The following CNTNAP5 variants were observed in gnomAD, a reference collection of about 807,000 sequenced individuals.
The protein encoded by CNTNAP5 is contactin associated protein family member 5, also known as contactin-associated protein-like 5.
CNTNAP5 carries 72 observed loss-of-function variants against 150.2 expected under a neutral mutation model. The observed-to-expected ratio is 0.48, with a 90% confidence interval of 0.40 to 0.58. The LOEUF is 0.58. CNTNAP5 is among the 20% of genes least tolerant of loss of function. The pLI is 0.00. For synonymous variants in CNTNAP5, 672 were observed against 619.8 expected (o/e 1.08, Z -1.25); for missense variants, 1,636 against 1,626.2 (o/e 1.01, Z -0.10).
intron 1 of CNTNAP5, among the ~76,000 whole-genome samples, chr2:124,182,770 C>A (rs1277120992): frequency 6.6e-6 from 1 of 152,120 alleles, no homozygotes; most frequent in Non-Finnish European, 1.5e-5. Flanking sequence ...ATTAGGTTTT[C>A]TTGCCATTCA....
At chr2:124,865,960 A>G (rs1336999650) in intron 20 of CNTNAP5, among the ~76,000 whole-genome samples, 2 of 149,786 alleles carry the variant, frequency 1.3e-5, no homozygotes, top group African/African-American at 4.9e-5. Context: ...AAATTAAAAG[A>G]AAAAAAGAAA....
In CNTNAP5 at chr2:124,917,554, T is replaced by C. The variant is rs6744250; in HGVS notation, c.*3266T>C. The stretch of plus-strand genomic sequence containing the variant: ...AAGATTTTAAGGATCCTAGCGGTGA[T>C]GTTTTAAAACAACTTTTTTCCTCTC... On this transcript the variant is annotated 3_prime_UTR_variant, in exon 24 of 24. Transcript: ENST00000682447. Among the ~76,000 whole-genome samples the C allele has an allele frequency of 3.1e-3, 475 of 152,220 alleles. 2 individuals carry two copies. Among genetic ancestry groups the C allele is most frequent in the African/African-American group, 0.011 (451 of 41,572 alleles).
chr2:124,488,763 T>A (rs1036126945), intron 7 of CNTNAP5, among the ~76,000 whole-genome samples: 2 of 152,202 alleles, frequency 1.3e-5, no homozygotes, highest in African/African-American at 4.8e-5. Context: ...AAGGATCTGA[T>A]GAAAGGTGAA....
chr2:124,528,088 G>A (rs894202502), intron 10 of CNTNAP5, among the ~76,000 whole-genome samples: 1 of 152,120 alleles, frequency 6.6e-6, no homozygotes, highest in African/African-American at 2.4e-5. Flanking sequence ...TTGCATCAAG[G>A]TTTACCATGT....
intron 3 of CNTNAP5, among the ~76,000 whole-genome samples, chr2:124,360,425 T>A (rs371903467): frequency 1.4e-5 from 2 of 147,590 alleles, no homozygotes; most frequent in Admixed American, 6.9e-5. Flanking sequence ...ACATTTTGGC[T>A]TGATTTTGCA....
intron 5 of CNTNAP5, among the ~76,000 whole-genome samples, chr2:124,440,604 G>A (rs1692649576): frequency 1.3e-5 from 2 of 152,050 alleles, no homozygotes; most frequent in Non-Finnish European, 2.9e-5. Context: ...GGTGGAGGGA[G>A]GAGAATAAAC....
chr2:124,587,878 C>T (rs974281893), intron 11 of CNTNAP5, among the ~76,000 whole-genome samples: 3 of 151,966 alleles, frequency 2.0e-5, no homozygotes, highest in African/African-American at 7.3e-5. Context: ...AGTAAGATTA[C>T]TAGGAAAAAC....
At chr2:124,662,608 G>T (rs1484493382) in intron 13 of CNTNAP5, among the ~76,000 whole-genome samples, 1 of 152,204 alleles carries the variant, frequency 6.6e-6, no homozygotes, top group Admixed American at 6.5e-5. Context: ...TTACACAAAG[G>T]ATGGGATTCT....
intron 1 of CNTNAP5, among the ~76,000 whole-genome samples, chr2:124,121,110 G>A (rs1213147269): frequency 4.0e-5 from 6 of 151,306 alleles, no homozygotes. Flanking sequence ...TATCTTAAAA[G>A]CATGGAAGCT....
At chr2:124,404,006 C>A (rs1946550) in intron 3 of CNTNAP5, among the ~76,000 whole-genome samples, 2 of 152,124 alleles carry the variant, frequency 1.3e-5, no homozygotes, top group Non-Finnish European at 2.9e-5. Context: ...CACTGGGTCC[C>A]TCTCATGACA....
chr2:124,173,099 A>G (rs1391799923), intron 1 of CNTNAP5, among the ~76,000 whole-genome samples: 1 of 152,104 alleles, frequency 6.6e-6, no homozygotes, highest in Non-Finnish European at 1.5e-5. Flanking sequence ...TCCTTGTTTC[A>G]GGGCACCAAA....
intron 13 of CNTNAP5, among the ~76,000 whole-genome samples, chr2:124,688,260 G>A (rs1679232666): frequency 6.6e-6 from 1 of 151,904 alleles, no homozygotes; most frequent in South Asian, 2.1e-4. Context: ...TGGAAATGCT[G>A]GAATAAAGTT....
intron 8 of CNTNAP5, among the ~76,000 whole-genome samples, chr2:124,505,699 C>T (rs1380709711): frequency 6.6e-6 from 1 of 152,118 alleles, no homozygotes; most frequent in African/African-American, 2.4e-5. Context: ...GGAAGTCTCT[C>T]TCTCATTCTC....
chr2:124,186,630 C>G (rs1685338850), intron 1 of CNTNAP5, among the ~76,000 whole-genome samples: 1 of 152,252 alleles, frequency 6.6e-6, no homozygotes, highest in East Asian at 1.9e-4. Context: ...GTGTTCCAAC[C>G]TGAGGGCGGA....
intron 2 of CNTNAP5, among the ~76,000 whole-genome samples, chr2:124,234,557 T>C (rs996775585): frequency 6.6e-6 from 1 of 152,190 alleles, no homozygotes; most frequent in African/African-American, 2.4e-5. Flanking sequence ...CCAAGTTTTT[T>C]AAAATGCCTG....
At chr2:124,376,562 G>A (rs941137150) in intron 3 of CNTNAP5, among the ~76,000 whole-genome samples, 11 of 151,864 alleles carry the variant, frequency 7.2e-5, no homozygotes, top group Middle Eastern at 3.2e-3. Flanking sequence ...TATATGTACC[G>A]TGTGTGTGTG....
chr2:124,537,380 G>A (rs776797712), intron 10 of CNTNAP5, among the ~76,000 whole-genome samples: 7 of 152,180 alleles, frequency 4.6e-5, no homozygotes, highest in Non-Finnish European at 1.0e-4. Flanking sequence ...GAGAAGGGCT[G>A]TGGAACACCT....
intron 3 of CNTNAP5, among the ~76,000 whole-genome samples, chr2:124,375,730 C>G (rs1319708030): frequency 1.3e-5 from 2 of 152,050 alleles, no homozygotes; most frequent in African/African-American, 4.8e-5. Context: ...GAGTGGCGTA[C>G]AGATTCTCTC....
At chr2:124,386,160 G>A (rs530348991) in intron 3 of CNTNAP5, among the ~76,000 whole-genome samples, 58 of 152,246 alleles carry the variant, frequency 3.8e-4, no homozygotes, top group African/African-American at 1.3e-3. Context: ...GGAACCAAAT[G>A]CCTGCCTTTG....
Sources: allele counts gnomAD v4.1 joint callset (sites outside exome capture counted in the v4.1 genomes callset), GRCh38; gene constraint gnomAD v4.1.1; transcripts MANE v1.5; gene names NCBI Gene and HGNC (gene_info 2026-07-23, HGNC 2026-07-21).